RBFOX3: variants seen among roughly 807,000 people sequenced by gnomAD.
The protein encoded by RBFOX3 is RNA binding fox-1 homolog 3, also known as RNA binding protein fox-1 homolog 3.
A neutral mutation model predicts 48.7 loss-of-function variants in RBFOX3; 17 were observed. That is an observed-to-expected ratio of 0.35 (90% confidence interval 0.24 to 0.52). RBFOX3 has a LOEUF of 0.52. RBFOX3 is among the 20% of genes least tolerant of loss of function. The pLI is 0.94. For missense variants in RBFOX3, 382 were observed against 497.5 expected, an observed-to-expected ratio of 0.77 and a Z score of 2.21; for synonymous variants, 212 against 209.5, an observed-to-expected ratio of 1.01 and a Z score of -0.10.
chr17:79,447,271 A>T (rs7216635), intron 2 of RBFOX3, among the ~76,000 whole-genome samples: 38 of 151,930 alleles, frequency 2.5e-4, no homozygotes, highest in African/African-American at 8.7e-4. Flanking sequence ...ACCTTCTGAG[A>T]GGCCCATGAG....
chr17:79,112,997 G>A (rs1480341313), intron 5 of RBFOX3, among the ~76,000 whole-genome samples: 4 of 151,468 alleles, frequency 2.6e-5, no homozygotes, highest in Non-Finnish European at 4.4e-5. Flanking sequence ...CGAGTGCCCC[G>A]GGAGCTCAGG....
intron 1 of RBFOX3, among the ~76,000 whole-genome samples, chr17:79,491,366 T>C (rs2080612957): frequency 6.6e-6 from 1 of 151,400 alleles, no homozygotes; most frequent in Non-Finnish European, 1.5e-5. Flanking sequence ...AAAAAGCCAT[T>C]TGAGGAATTT....
In RBFOX3 at chr17:79,097,567, C is replaced by G; in HGVS notation, c.622+125G>C. On this transcript the variant is annotated intron_variant, in intron 10 of 14. Transcript: ENST00000693108. ...CCCCCGGAGCGCTACTCAGTCAACA[C>G]GGCGACGGGAGGGCGGGGACGGCCC... The G allele has an allele frequency of 3.7e-6, 5 of 1,367,964 alleles. 1 individual carries two copies. Among genetic ancestry groups the G allele is most frequent in the Non-Finnish European group, 9.8e-7 (1 of 1,025,586 alleles). 84.7% of individuals were successfully genotyped at this position (1,367,964 alleles called of 1,614,324 possible). A position where few individuals can be genotyped will look rare whatever the true frequency, so the allele number is the denominator to read the frequency against.
At chr17:79,636,823 C>T in the RBFOX3 span, among the ~76,000 whole-genome samples, 2 of 152,058 alleles carry the variant, frequency 1.3e-5, no homozygotes, top group Non-Finnish European at 2.9e-5. Context: ...TAAACATTTA[C>T]ATTACATGTA....
intron 2 of RBFOX3, among the ~76,000 whole-genome samples, chr17:79,328,620 C>G (rs924890094): frequency 3.9e-5 from 6 of 152,166 alleles, no homozygotes; most frequent in African/African-American, 1.4e-4. Context: ...ACAGCCTGAC[C>G]CTCGCAGGCA....
intron 4 of RBFOX3, among the ~76,000 whole-genome samples, chr17:79,203,221 G>T (rs542083528): frequency 6.7e-6 from 1 of 150,234 alleles, no homozygotes; most frequent in South Asian, 2.1e-4. Flanking sequence ...TGGCCTGTGG[G>T]GGCACTGTGA....
At chr17:79,640,221 C>CA in the RBFOX3 span, among the ~76,000 whole-genome samples, 1 of 151,556 alleles carries the variant, frequency 6.6e-6, no homozygotes, top group South Asian at 2.1e-4. Context: ...ACAATAGCAA[C>CA]AAAAAAAGAC....
chr17:79,507,173 C>T (rs1188407268), intron 1 of RBFOX3, among the ~76,000 whole-genome samples: 2 of 152,152 alleles, frequency 1.3e-5, no homozygotes, highest in Admixed American at 6.5e-5. Flanking sequence ...GCAGACCAAG[C>T]GGTGCTCCAT....
At chr17:79,467,680 G>A (rs1282949048) in intron 2 of RBFOX3, among the ~76,000 whole-genome samples, 1 of 152,162 alleles carries the variant, frequency 6.6e-6, no homozygotes, top group African/African-American at 2.4e-5. Context: ...TTCCATCCAT[G>A]AGTGCCAGCG....
At position 79,356,348 on chromosome 17, in the gene RBFOX3, GTTTTTTTTTT is replaced by G. The variant is rs58040659; in HGVS notation, c.-174-48534_-174-48525del. On this transcript the variant is annotated intron_variant, in intron 2 of 14. Coordinates refer to ENST00000693108, the MANE Select transcript of RBFOX3 (RefSeq NM_001350451.2). ...ACTTTTTCACTTTTAAAACAGGGAA[GTTTTTTTTTT>G]TTTTTTTTTTTTTTTTTTTTTTTTT... 6.3e-3 allele frequency among the ~76,000 whole-genome samples: 296 copies of G among 47,290 alleles called. 28 individuals carry two copies. The highest frequency in any genetic ancestry group is 0.034 in the Middle Eastern group (2 of 58). The allele number at this position is 47,290 out of a possible 152,430, so 31.0% of individuals were successfully genotyped here. A position where few individuals can be genotyped will look rare whatever the true frequency, so the allele number is the denominator to read the frequency against.
chr17:79,618,108 T>A, the RBFOX3 span, among the ~76,000 whole-genome samples: 1 of 152,206 alleles, frequency 6.6e-6, no homozygotes, highest in African/African-American at 2.4e-5. Context: ...GAAGTCCAGG[T>A]AGTTCAGGGT....
At chr17:79,442,456 G>A (rs1269204802) in intron 2 of RBFOX3, among the ~76,000 whole-genome samples, 1 of 151,782 alleles carries the variant, frequency 6.6e-6, no homozygotes, top group Non-Finnish European at 1.5e-5. Context: ...TGAGTTGGGT[G>A]TCAGGGTAGT....
chr17:79,196,027 C>T (rs931704782), intron 4 of RBFOX3, among the ~76,000 whole-genome samples: 1 of 152,232 alleles, frequency 6.6e-6, no homozygotes, highest in Non-Finnish European at 1.5e-5. Flanking sequence ...CCACCCCAGC[C>T]TCCTCTGAAG....
intron 2 of RBFOX3, among the ~76,000 whole-genome samples, chr17:79,474,014 G>A (rs908803060): frequency 5.9e-5 from 9 of 151,992 alleles, no homozygotes; most frequent in Non-Finnish European, 1.2e-4. Flanking sequence ...TGCAAATCGG[G>A]TAAAAGAATA....
At chr17:79,191,430 C>T (rs932191573) in intron 4 of RBFOX3, among the ~76,000 whole-genome samples, 3 of 152,226 alleles carry the variant, frequency 2.0e-5, no homozygotes, top group African/African-American at 7.2e-5. Flanking sequence ...ATGTGAGGGG[C>T]GGGCACTCTG....
At chr17:79,438,102 G>GTGCA (rs1555732292) in intron 2 of RBFOX3, among the ~76,000 whole-genome samples, 18 of 20,140 alleles carry the variant, frequency 8.9e-4, no homozygotes, top group Admixed American at 8.8e-3. Flanking sequence ...AGGTGCACAG[G>GTGCA]CGCACACACA....
chr17:79,661,062 A>G, the RBFOX3 span, among the ~76,000 whole-genome samples: 1 of 152,198 alleles, frequency 6.6e-6, no homozygotes, highest in Non-Finnish European at 1.5e-5. Context: ...TCTTATAAGT[A>G]GGAGCTGAAT....
intron 3 of RBFOX3, among the ~76,000 whole-genome samples, chr17:79,293,396 T>G (rs1293356499): frequency 1.0e-5 from 1 of 98,616 alleles, no homozygotes; most frequent in African/African-American, 4.0e-5. Flanking sequence ...TCCTTTCCCT[T>G]CCCTCCCCTC....
Position 79,385,865 on chromosome 17 carries a change from CTCCATCACCTCCTGTAACAGATGGGGGT to C in RBFOX3, c.-174-78069_-174-78042del, listed in dbSNP as rs577597246. On this transcript the variant is annotated intron_variant, in intron 2 of 14. Transcript: ENST00000693108. The stretch of plus-strand genomic sequence containing the variant: ...CATCACCCTCCATTGCAGACAGGAG[CTCCATCACCTCCTGTAACAGATGGGGGT>C]TCCATCACCTCCCATTAGAGAGAGA... Among the ~76,000 whole-genome samples, 21 of 150,660 alleles carry C rather than the reference CTCCATCACCTCCTGTAACAGATGGGGGT, an allele frequency of 1.4e-4. No individual in the cohort carries two copies. The South Asian group carries it at 4.0e-3, about 29-fold the overall frequency.
Sources: gnomAD v4.1 joint callset for allele counts (sites outside exome capture counted in the v4.1 genomes callset) on GRCh38, gnomAD v4.1.1 for gene constraint, MANE v1.5 for transcripts, NCBI Gene and HGNC (gene_info 2026-07-23, HGNC 2026-07-21) for gene names.